The following OXR1 variants were observed in gnomAD, a reference collection of about 807,000 sequenced individuals.
OXR1 encodes the protein oxidation resistance 1, also known as oxidation resistance protein 1.
Under a neutral mutation model 104.6 loss-of-function variants are expected in OXR1, and 41 were observed. The observed-to-expected ratio is 0.39, with a 90% CI of 0.31 to 0.51. The LOEUF (loss-of-function observed/expected upper bound fraction) is 0.51, where lower values mean the gene tolerates loss of function less well. Among genes scored for constraint, OXR1 ranks in the 20% least tolerant of loss-of-function variants. The pLI is 0.77. For missense variants in OXR1, 955 were observed against 1,031.9 expected, an observed-to-expected ratio of 0.93 and a Z score of 1.02; for synonymous variants, 348 against 348.4, an observed-to-expected ratio of 1.00 and a Z score of 0.01.
chr8:106,353,499 G>A (rs1815825875), intron 1 of OXR1, among the ~76,000 whole-genome samples: 1 of 151,834 alleles, frequency 6.6e-6, no homozygotes, highest in Non-Finnish European at 1.5e-5. Context: ...TAATTCAAGT[G>A]TAAGAATATA....
At chr8:106,451,859 A>C (rs1221735169) in intron 2 of OXR1, among the ~76,000 whole-genome samples, 1 of 152,192 alleles carries the variant, frequency 6.6e-6, no homozygotes, top group Non-Finnish European at 1.5e-5. Flanking sequence ...GCTCTCCAGA[A>C]TTTTACAGGT....
chr8:106,653,086 A>ATT (rs1824752697), intron 3 of OXR1, among the ~76,000 whole-genome samples: 1 of 136,440 alleles, frequency 7.3e-6, no homozygotes, highest in South Asian at 2.2e-4. Flanking sequence ...AAAAAAAAAT[A>ATT]TATATATATA....
At chr8:106,619,406 A>T (rs933125005) in intron 3 of OXR1, among the ~76,000 whole-genome samples, 1 of 152,152 alleles carries the variant, frequency 6.6e-6, no homozygotes, top group East Asian at 1.9e-4. Context: ...ATCTAATTTC[A>T]TTTTTCCAGT....
chr8:106,490,266 C>G (rs989248582), intron 2 of OXR1, among the ~76,000 whole-genome samples: 1 of 152,104 alleles, frequency 6.6e-6, no homozygotes, highest in Non-Finnish European at 1.5e-5. Context: ...TGGTCAGTGT[C>G]ATGAGAGAGA....
intron 3 of OXR1, among the ~76,000 whole-genome samples, chr8:106,558,481 G>C (rs909449689): frequency 3.9e-5 from 6 of 152,162 alleles, no homozygotes; most frequent in Non-Finnish European, 8.8e-5. Context: ...CCATTGGAAG[G>C]CTAAGGCAGC....
At chr8:106,570,015 G>A (rs1817359958) in intron 3 of OXR1, among the ~76,000 whole-genome samples, 1 of 152,130 alleles carries the variant, frequency 6.6e-6, no homozygotes, top group Admixed American at 6.5e-5. Context: ...CACAGCTGCT[G>A]CATTCTTGTC....
At chr8:106,325,493 C>T (rs1814432018) in intron 1 of OXR1, among the ~76,000 whole-genome samples, 1 of 152,178 alleles carries the variant, frequency 6.6e-6, no homozygotes. Context: ...GCCTAGATTT[C>T]TCAACTGTAG....
At chr8:106,650,720 T>TTA (rs1202324536) in intron 3 of OXR1, among the ~76,000 whole-genome samples, 1 of 152,236 alleles carries the variant, frequency 6.6e-6, no homozygotes, top group Non-Finnish European at 1.5e-5. Context: ...TACTAGGTTC[T>TTA]TATATATACT....
intron 3 of OXR1, among the ~76,000 whole-genome samples, chr8:106,615,607 C>CAAA (rs34898459): frequency 8.5e-5 from 10 of 117,606 alleles, no homozygotes; most frequent in East Asian, 7.1e-4. Flanking sequence ...GAATCTGTCT[C>CAAA]AAAAAAAAAA....
At chr8:106,291,468 G>A (rs991862943) in intron 1 of OXR1, among the ~76,000 whole-genome samples, 2 of 152,120 alleles carry the variant, frequency 1.3e-5, no homozygotes, top group Non-Finnish European at 2.9e-5. Context: ...GCATTAAATT[G>A]CATCATTCTT....
At chr8:106,323,412 G>T (rs1402383479) in intron 1 of OXR1, among the ~76,000 whole-genome samples, 2 of 152,068 alleles carry the variant, frequency 1.3e-5, no homozygotes, top group African/African-American at 4.8e-5. Context: ...CAAAACCCTG[G>T]AAGACAAACT....
At chr8:106,720,230 G>C (rs1372916710) in intron 11 of OXR1, among the ~76,000 whole-genome samples, 1 of 152,180 alleles carries the variant, frequency 6.6e-6, no homozygotes, top group African/African-American at 2.4e-5. Context: ...TTTGCATCAT[G>C]ATGGGGAGCT....
intron 2 of OXR1, among the ~76,000 whole-genome samples, chr8:106,491,643 C>T (rs964586763): frequency 9.2e-5 from 14 of 152,154 alleles, no homozygotes; most frequent in Non-Finnish European, 1.5e-4. Context: ...ATGTGTCACA[C>T]ACTTTGATAC....
chr8:106,314,890 C>T (rs1334987338), intron 1 of OXR1, among the ~76,000 whole-genome samples: 1 of 152,110 alleles, frequency 6.6e-6, no homozygotes, highest in African/African-American at 2.4e-5. Context: ...GGTATAGACA[C>T]TCAGAATTTT....
intron 1 of OXR1, among the ~76,000 whole-genome samples, chr8:106,323,031 A>G (rs887488060): frequency 2.0e-5 from 3 of 152,176 alleles, no homozygotes; most frequent in Non-Finnish European, 2.9e-5. Context: ...ACTAGAAAAA[A>G]AAAGACTATT....
At chr8:106,721,243 A>T (rs188974438) in intron 11 of OXR1, among the ~76,000 whole-genome samples, 59 of 152,050 alleles carry the variant, frequency 3.9e-4, no homozygotes, top group Non-Finnish European at 1.5e-5. Flanking sequence ...GCTGGCAGAG[A>T]AAGCTTTCCA....
rs532722003 is a variant in OXR1 at position 106,680,002 on chromosome 8, C to G, written c.303+710C>G. Among the ~76,000 whole-genome samples, 23 of 152,148 alleles carry G rather than the reference C, an allele frequency of 1.5e-4. No individual in the cohort carries two copies. In the South Asian group the frequency reaches 4.1e-3, roughly 27 times the overall value. On this transcript the variant is annotated intron_variant, in intron 4 of 16. Coordinates refer to ENST00000517566, the MANE Select transcript of OXR1 (RefSeq NM_001198533.2). ...TCTAACATAACTGTATTAAGGAGAA[C>G]AGCAATTTTAAACATTAATTTAGCA...
At chr8:106,553,207 T>TAATAA (rs143312498) in intron 3 of OXR1, among the ~76,000 whole-genome samples, 62,201 of 149,350 alleles carry the variant, frequency 0.42, 13,162 homozygotes, top group Admixed American at 0.45. Flanking sequence ...AGTACAGTAA[T>TAATAA]AATAAAATAA....
At chr8:106,406,781 A>G (rs1015106747) in intron 2 of OXR1, among the ~76,000 whole-genome samples, 4 of 152,210 alleles carry the variant, frequency 2.6e-5, no homozygotes, top group Non-Finnish European at 4.4e-5. Flanking sequence ...GATACCTGTC[A>G]TTATACATGT....
Sources: allele counts gnomAD v4.1 joint callset (sites outside exome capture counted in the v4.1 genomes callset), GRCh38; gene constraint gnomAD v4.1.1; transcripts MANE v1.5; gene names NCBI Gene and HGNC (gene_info 2026-07-23, HGNC 2026-07-21).